The following RAB11FIP4 variants were observed in gnomAD, a reference collection of about 807,000 sequenced individuals.
RAB11FIP4 encodes rab11 family-interacting protein 4.
A neutral mutation model predicts 74.3 loss-of-function variants in RAB11FIP4; 23 were observed. The ratio of observed to expected loss-of-function variants is 0.31; its 90% CI spans 0.22 to 0.44. The LOEUF (loss-of-function observed/expected upper bound fraction) is 0.44, where lower values mean the gene tolerates loss of function less well. RAB11FIP4 is among the 20% of genes least tolerant of loss of function. The pLI is 1.00. For missense variants in RAB11FIP4, 630 were observed against 863.9 expected (o/e 0.73, Z 3.39); for synonymous variants, 360 against 359.9 (o/e 1.00, Z 0.00).
At chr17:31,443,361 A>G (rs1041876803) in intron 3 of RAB11FIP4, among the ~76,000 whole-genome samples, 2 of 152,188 alleles carry the variant, frequency 1.3e-5, no homozygotes, top group African/African-American at 4.8e-5. Flanking sequence ...TTTATAGCCA[A>G]TTCATCATTC....
At chr17:31,417,560 A>G (rs1428143613) in intron 1 of RAB11FIP4, among the ~76,000 whole-genome samples, 2 of 152,208 alleles carry the variant, frequency 1.3e-5, no homozygotes, top group Non-Finnish European at 2.9e-5. Context: ...AGACGATGTC[A>G]GGTGCCCAGC....
intron 7 of RAB11FIP4, 98 bp downstream of exon 7, chr17:31,522,493 C>T: frequency 8.2e-7 from 1 of 1,226,234 alleles, no homozygotes; most frequent in South Asian, 1.3e-5. Flanking sequence ...CTGGTGCCCG[C>T]ATGTGGCTGA....
chr17:31,450,774 G>A (rs9895906), intron 3 of RAB11FIP4, among the ~76,000 whole-genome samples: 2,418 of 148,950 alleles, frequency 0.016, 71 homozygotes, highest in African/African-American at 0.059. Context: ...CATTGCCTTC[G>A]GCTCCAGTCT....
intron 3 of RAB11FIP4, among the ~76,000 whole-genome samples, chr17:31,435,618 T>C (rs1295990142): frequency 6.6e-6 from 1 of 152,220 alleles, no homozygotes; most frequent in African/African-American, 2.4e-5. Flanking sequence ...AGTATGTTTA[T>C]AGCTGAAGGA....
intron 3 of RAB11FIP4, among the ~76,000 whole-genome samples, chr17:31,457,065 C>G (rs1016830160): frequency 1.3e-5 from 2 of 152,110 alleles, no homozygotes; most frequent in Non-Finnish European, 2.9e-5. Flanking sequence ...AACCTGTCCT[C>G]CGGAGGGCTG....
At position 31,464,907 on chromosome 17, in the gene RAB11FIP4, C is replaced by T. The variant is rs1464596262; in HGVS notation, c.336+30785C>T. Among the ~76,000 whole-genome samples the T allele has an allele frequency of 2.6e-5, 4 of 151,736 alleles. No individual in the cohort carries two copies. In the East Asian group the frequency reaches 5.8e-4, roughly 22 times the overall value. On this transcript the variant is annotated intron_variant, in intron 3 of 14. Coordinates refer to ENST00000621161, the MANE Select transcript of RAB11FIP4 (RefSeq NM_032932.6). ...TTCCTAGTAGCAGGAACTACAGGCACGTACCATCATGCCTGGCTGATTTTT... is the reference window on the plus strand; with the variant it reads ...TTCCTAGTAGCAGGAACTACAGGCATGTACCATCATGCCTGGCTGATTTTT...
At chr17:31,524,734 G>A (rs2072731987) in intron 9 of RAB11FIP4, 1 of 297,270 alleles carries the variant, frequency 3.4e-6, no homozygotes. Flanking sequence ...TGCCCAATAA[G>A]CTGAATTATT....
intron 3 of RAB11FIP4, among the ~76,000 whole-genome samples, chr17:31,463,465 T>C (rs548001697): frequency 6.6e-6 from 1 of 152,262 alleles, no homozygotes; most frequent in South Asian, 2.1e-4. Flanking sequence ...ACAGGAGGCC[T>C]GGGGTTCTCA....
At chr17:31,473,408 T>G (rs111937519) in intron 3 of RAB11FIP4, among the ~76,000 whole-genome samples, 4,967 of 148,740 alleles carry the variant, frequency 0.033, 234 homozygotes, top group African/African-American at 0.11. Flanking sequence ...CTGGGCATGG[T>G]GGCATGTTCC....
intron 3 of RAB11FIP4, among the ~76,000 whole-genome samples, chr17:31,434,870 G>A (rs769472707): frequency 1.1e-4 from 17 of 152,210 alleles, no homozygotes; most frequent in African/African-American, 3.1e-4. Flanking sequence ...ACCAGCACCC[G>A]GGCTCTCTGC....
intron 3 of RAB11FIP4, among the ~76,000 whole-genome samples, chr17:31,487,579 G>A (rs997232108): frequency 1.1e-4 from 17 of 152,168 alleles, no homozygotes; most frequent in African/African-American, 4.1e-4. Flanking sequence ...TAGGACTCTG[G>A]ATGAAAGTCA....
chr17:31,529,238 C>T (rs898193793), intron 13 of RAB11FIP4, among the ~76,000 whole-genome samples: 2 of 151,984 alleles, frequency 1.3e-5, no homozygotes, highest in African/African-American at 4.8e-5. Context: ...ACTAGGACTA[C>T]AGGCACACAC....
At chr17:31,498,329 C>G (rs756320689) in intron 3 of RAB11FIP4, among the ~76,000 whole-genome samples, 7 of 152,194 alleles carry the variant, frequency 4.6e-5, no homozygotes, top group African/African-American at 1.4e-4. Context: ...TTCTGGAACA[C>G]GAAGCTTGGG....
chr17:31,498,617 G>T (rs945510085), intron 3 of RAB11FIP4, among the ~76,000 whole-genome samples: 6 of 152,188 alleles, frequency 3.9e-5, no homozygotes, highest in Non-Finnish European at 7.3e-5. Flanking sequence ...GCTGTTCAAG[G>T]CCTGAGGGTT....
intron 3 of RAB11FIP4, among the ~76,000 whole-genome samples, chr17:31,496,106 C>G (rs962568073): frequency 2.6e-5 from 4 of 152,200 alleles, no homozygotes; most frequent in Admixed American, 6.5e-5. Flanking sequence ...AACTAGGTAA[C>G]CTCTGGGGAA....
rs1597996056 is a variant in RAB11FIP4, at chr17:31,537,388, G to A, written c.*5656G>A. ...CTTTCATTATTGTCTTAAGCATGGGGGGCTAGGACCCACTTAGTCCCTCCT... is the reference window on the plus strand; with the variant it reads ...CTTTCATTATTGTCTTAAGCATGGGAGGCTAGGACCCACTTAGTCCCTCCT... On this transcript the variant is annotated 3_prime_UTR_variant, in exon 15 of 15. Transcript: ENST00000621161. 5.1e-6 allele frequency: 2 copies of A among 395,998 alleles called. No homozygotes were observed. Among genetic ancestry groups the A allele is most frequent in the East Asian group, 7.2e-5 (2 of 27,964 alleles). The allele number at this position is 395,998 out of a possible 1,614,324, so 24.5% of individuals were successfully genotyped here.
chr17:31,505,467 TA>T (rs1425360081), intron 3 of RAB11FIP4, among the ~76,000 whole-genome samples: 1 of 75,668 alleles, frequency 1.3e-5, no homozygotes, highest in South Asian at 3.6e-4. Context: ...TTATAACATA[TA>T]ATAATAATTA....
intron 1 of RAB11FIP4, among the ~76,000 whole-genome samples, chr17:31,406,364 G>A (rs1490354560): frequency 6.6e-6 from 1 of 152,228 alleles, no homozygotes; most frequent in African/African-American, 2.4e-5. Flanking sequence ...CCTAGACACT[G>A]TGTGGGTGGA....
intron 1 of RAB11FIP4, among the ~76,000 whole-genome samples, chr17:31,394,687 C>T (rs532649311): frequency 6.6e-6 from 1 of 152,188 alleles, no homozygotes; most frequent in African/African-American, 2.4e-5. Flanking sequence ...ACCTCTATCA[C>T]TCTCAGCTGT....
Sources: allele counts gnomAD v4.1 joint callset (sites outside exome capture counted in the v4.1 genomes callset), GRCh38; gene constraint gnomAD v4.1.1; transcripts MANE v1.5; gene names NCBI Gene and HGNC (gene_info 2026-07-23, HGNC 2026-07-21).